PIEZO2: variants seen among roughly 807,000 people sequenced by gnomAD.
The protein encoded by PIEZO2 is piezo-type mechanosensitive ion channel component 2.
Under a neutral mutation model 337.3 loss-of-function variants are expected in PIEZO2, and 172 were observed. The ratio of observed to expected loss-of-function variants is 0.51; its 90% CI spans 0.45 to 0.58. The LOEUF (loss-of-function observed/expected upper bound fraction) is 0.58. Ranked by LOEUF, PIEZO2 falls within the 20% of genes least tolerant of loss-of-function variation. PIEZO2 has a pLI of 0.00. For synonymous variants in PIEZO2, 1,251 were observed against 1,228.5 expected (o/e 1.02, Z -0.38); for missense variants, 3,028 against 3,391.3 (o/e 0.89, Z 2.66).
intron 1 of PIEZO2, among the ~76,000 whole-genome samples, chr18:11,130,269 C>T (rs1380481020): frequency 6.6e-6 from 1 of 152,236 alleles, no homozygotes; most frequent in Non-Finnish European, 1.5e-5. Flanking sequence ...ACTCCAACTG[C>T]AGCTGCTGTA....
intron 54 of PIEZO2, among the ~76,000 whole-genome samples, chr18:10,674,707 A>G (rs1250243486): frequency 6.6e-6 from 1 of 152,244 alleles, no homozygotes; most frequent in Non-Finnish European, 1.5e-5. Flanking sequence ...CCATGAAGTC[A>G]AGCAATTCTT....
At position 10,821,553 on chromosome 18, in the gene PIEZO2, T is replaced by A. The variant is rs2040520819; in HGVS notation, c.918-14279A>T. On this transcript the variant is annotated intron_variant, in intron 7 of 55. Coordinates refer to ENST00000674853, the MANE Select transcript of PIEZO2 (RefSeq NM_001378183.1). This position sits in a 1 kb window ranked among gnomAD's most constrained non-coding sequence, Gnocchi z 4.2. The stretch of plus-strand genomic sequence containing the variant: ...ATAAATATTTTATTTGTAACCAGCT[T>A]ATACATTAAAATGAATAATTACATC... Among the ~76,000 whole-genome samples the A allele has an allele frequency of 1.3e-5, 2 of 152,228 alleles. No homozygotes were observed. The highest frequency in any genetic ancestry group is 2.9e-5 in the Non-Finnish European group (2 of 68,042).
At position 11,064,029 on chromosome 18, in the gene PIEZO2, CA is replaced by C. The variant is rs879717366; in HGVS notation, c.160+2097del. ...ACTGACACTAATGATATCTGATGAG[CA>C]AAAAAAAAAAAGAAAGTCCTCGCAT... On this transcript the variant is annotated intron_variant, in intron 2 of 55. Transcript: ENST00000674853. Among the ~76,000 whole-genome samples the C allele has an allele frequency of 1.5e-3, 202 of 134,826 alleles. 1 individual carries two copies. Among genetic ancestry groups the C allele is most frequent in the Non-Finnish European group, 1.3e-3 (79 of 62,012 alleles). 88.5% of individuals were successfully genotyped at this position (134,826 alleles called of 152,430 possible).
rs151060596 is a variant in PIEZO2, at chr18:10,945,258, C to T, written c.287-34030G>A. ...GCAGTGGCACAATCATAGCTCACTGCAGCCTCAAACTCCTGTGCTCAGGGG... is the reference window on the plus strand; with the variant it reads ...GCAGTGGCACAATCATAGCTCACTGTAGCCTCAAACTCCTGTGCTCAGGGG... On this transcript the variant is annotated intron_variant, in intron 3 of 55. Transcript: ENST00000674853. This position sits in a 1 kb window ranked among gnomAD's most constrained non-coding sequence, Gnocchi z 4.0. Among the ~76,000 whole-genome samples the T allele has an allele frequency of 6.6e-6, 1 of 152,148 alleles. No individual in the cohort carries two copies. The highest frequency in any genetic ancestry group is 6.6e-5 in the Admixed American group (1 of 15,262).
intron 1 of PIEZO2, among the ~76,000 whole-genome samples, chr18:11,118,108 C>T (rs899244052): frequency 6.6e-6 from 1 of 152,208 alleles, no homozygotes; most frequent in Non-Finnish European, 1.5e-5. Flanking sequence ...ACTTCCACCT[C>T]TGTTAAGTTC....
At chr18:11,004,980 G>T (rs2035668500) in intron 2 of PIEZO2, among the ~76,000 whole-genome samples, 1 of 152,142 alleles carries the variant, frequency 6.6e-6, no homozygotes, top group African/African-American at 2.4e-5. Context: ...TTGACTGAGA[G>T]GCTATCATAA....
In PIEZO2 at chr18:10,698,165, A is replaced by T. The variant is rs1286741557; in HGVS notation, c.6695-285T>A. 2.0e-5 allele frequency among the ~76,000 whole-genome samples: 3 copies of T among 152,252 alleles called. No individual in the cohort carries two copies. In the East Asian group the frequency reaches 5.8e-4, roughly 29 times the overall value. ...TTATTGTGCTAACTAGGGTACTAGG[A>T]TGCAGGTGTTCCAGATAGGATGCCC... On this transcript the variant is annotated intron_variant, in intron 44 of 55. Coordinates refer to ENST00000674853, the MANE Select transcript of PIEZO2 (RefSeq NM_001378183.1).
At position 10,863,280 on chromosome 18, in the gene PIEZO2, GA is replaced by G. The variant is rs1233113770; in HGVS notation, c.493-6070del. ...TCCCTTGTGAAAGGAAGCAGTGAGG[GA>G]AAAAAAGATAGATGTGTTTGAATGC... On this transcript the variant is annotated intron_variant, in intron 5 of 55. Transcript: ENST00000674853. This position sits in a 1 kb window ranked among gnomAD's most constrained non-coding sequence, Gnocchi z 4.3. Among the ~76,000 whole-genome samples, 3 of 152,244 alleles carry G rather than the reference GA, an allele frequency of 2.0e-5. No individual in the cohort carries two copies. The highest frequency in any genetic ancestry group is 2.9e-5 in the Non-Finnish European group (2 of 68,020).
Position 10,859,215 on chromosome 18 carries a change from C to G in PIEZO2, c.493-2004G>C, listed in dbSNP as rs56287995. ...TGTGAAAGTCCTGGCAAAGTGCATT[C>G]CGGGTGGAGGAAAGAGCTGGTCCAA... On this transcript the variant is annotated intron_variant, in intron 5 of 55. Coordinates refer to ENST00000674853, the MANE Select transcript of PIEZO2 (RefSeq NM_001378183.1). The surrounding 1 kb of genome is among the most constrained non-coding windows in gnomAD (Gnocchi z 4.9). 0.23 allele frequency among the ~76,000 whole-genome samples: 35,699 copies of G among 152,046 alleles called. 4,265 individuals carry two copies. Among genetic ancestry groups the G allele is most frequent in the East Asian group, 0.26 (1,353 of 5,154 alleles).
intron 1 of PIEZO2, among the ~76,000 whole-genome samples, chr18:11,137,089 C>T (rs2040510181): frequency 1.3e-5 from 2 of 152,180 alleles, no homozygotes; most frequent in Admixed American, 6.5e-5. Context: ...CTATTCCCAT[C>T]ACTGGTGTGC....
In PIEZO2 at chr18:11,116,583, C is replaced by CG. The variant is rs1028424994; in HGVS notation, c.64+31941dup. 2.0e-5 allele frequency among the ~76,000 whole-genome samples: 3 copies of CG among 151,768 alleles called. No homozygotes were observed. The highest frequency in any genetic ancestry group is 1.5e-5 in the Non-Finnish European group (1 of 67,934). ...TTAAAAAATTAGCCGGGCGTGGTGG[C>CG]GGGGGGCCTGTAGTCCCAGCTACTC... On this transcript the variant is annotated intron_variant, in intron 1 of 55. Transcript: ENST00000674853. This position sits in a 1 kb window ranked among gnomAD's most constrained non-coding sequence, Gnocchi z 5.0.
chr18:11,071,829 A>G (rs1417004631), intron 1 of PIEZO2, among the ~76,000 whole-genome samples: 1 of 152,158 alleles, frequency 6.6e-6, no homozygotes, highest in East Asian at 1.9e-4. Flanking sequence ...AGGCCTTGCA[A>G]GGGCTCCGGG....
At chr18:10,675,170 AT>A (rs2033938623) in intron 54 of PIEZO2, 38 bp downstream of exon 54, 2 of 1,377,814 alleles carry the variant, frequency 1.5e-6, no homozygotes, top group Non-Finnish European at 1.0e-6. Flanking sequence ...TAAAACTAGG[AT>A]TGAAAACAAT....
chr18:10,984,428 A>T (rs559874701), intron 2 of PIEZO2, among the ~76,000 whole-genome samples: 64 of 152,252 alleles, frequency 4.2e-4, no homozygotes, highest in African/African-American at 1.3e-3. Flanking sequence ...GGAGCTAAAG[A>T]ATACAATGAC....
Position 10,682,051 on chromosome 18 carries a change from A to C in PIEZO2, c.7686+53T>G, listed in dbSNP as rs1002857321. ...AACACCCTACAGACAGCTATCATAA[A>C]GGAATGTGGCGTGGGGCAAGGCTCT... On this transcript the variant is annotated intron_variant, in intron 50 of 55. Coordinates refer to ENST00000674853, the MANE Select transcript of PIEZO2 (RefSeq NM_001378183.1). This position sits in a 1 kb window ranked among gnomAD's most constrained non-coding sequence, Gnocchi z 5.6. 1.5e-5 allele frequency: 22 copies of C among 1,462,340 alleles called. No homozygotes were observed. In the South Asian group the frequency reaches 2.8e-4, roughly 18 times the overall value. 90.6% of individuals were successfully genotyped at this position (1,462,340 alleles called of 1,614,324 possible).
intron 1 of PIEZO2, among the ~76,000 whole-genome samples, chr18:11,108,062 A>G (rs1363208049): frequency 1.3e-5 from 2 of 152,196 alleles, no homozygotes; most frequent in Non-Finnish European, 1.5e-5. Context: ...TATTAACTCA[A>G]TACAAGAGTT....
chr18:10,961,710 A>G (rs980559614), intron 3 of PIEZO2, among the ~76,000 whole-genome samples: 51 of 152,126 alleles, frequency 3.4e-4, no homozygotes, highest in Admixed American at 1.9e-3. Flanking sequence ...GCAGTTTTGC[A>G]CTCTATTTAC....
chr18:11,046,079 C>T (rs576761527), intron 2 of PIEZO2, among the ~76,000 whole-genome samples: 1 of 152,158 alleles, frequency 6.6e-6, no homozygotes, highest in Non-Finnish European at 1.5e-5. Flanking sequence ...GGCAACTGTC[C>T]CCTAACCTCC....
chr18:10,858,041 G>T lies in PIEZO2; in HGVS notation c.493-830C>A, dbSNP rs188963440. Among the ~76,000 whole-genome samples the T allele has an allele frequency of 4.7e-5, 7 of 147,898 alleles. No homozygotes were observed. In the East Asian group the frequency reaches 1.4e-3, roughly 29 times the overall value. ...TTTTTAAAGAAATCATAAATAAGTG[G>T]CTGGGTGCGGTGGCTGACTCCTGTA... On this transcript the variant is annotated intron_variant, in intron 5 of 55. Coordinates refer to ENST00000674853, the MANE Select transcript of PIEZO2 (RefSeq NM_001378183.1).
Sources: allele counts gnomAD v4.1 joint callset (sites outside exome capture counted in the v4.1 genomes callset), GRCh38; gene constraint gnomAD v4.1.1; non-coding constraint Gnocchi (gnomAD v3.1); transcripts MANE v1.5; gene names NCBI Gene and HGNC (gene_info 2026-07-23, HGNC 2026-07-21).